Variants in TXN2 observed in about 807,000 individuals in gnomAD.
TXN2 encodes the protein thioredoxin 2, also known as thioredoxin, mitochondrial.
Under a neutral mutation model 14.6 loss-of-function variants are expected in TXN2, and 12 were observed. The ratio of observed to expected loss-of-function variants is 0.82; its 90% CI spans 0.53 to 1.33. TXN2 has a LOEUF of 1.33. TXN2 is among the 40% of genes most tolerant of loss of function. The probability of loss-of-function intolerance (pLI) is 0.00; values close to 1 mark genes in which losing one functional copy is unlikely to be tolerated. For missense variants in TXN2, 173 were observed against 207.7 expected (o/e 0.83, Z 1.03); for synonymous variants, 89 against 81.0 (o/e 1.10, Z -0.53).
intron 3 of TXN2, among the ~76,000 whole-genome samples, chr22:36,469,109 A>G (rs1933220875): frequency 6.6e-6 from 1 of 152,228 alleles, no homozygotes; most frequent in Non-Finnish European, 1.5e-5. Flanking sequence ...GGCGGACGCA[A>G]TCCGGCTCCT....
chr22:36,472,466 A>C (rs926721443), intron 3 of TXN2, among the ~76,000 whole-genome samples: 7 of 152,294 alleles, frequency 4.6e-5, no homozygotes, highest in African/African-American at 1.7e-4. Flanking sequence ...GTGTAGGTTC[A>C]TAAGTTGTGA....
chr22:36,470,780 T>TAAA (rs1251670353), intron 3 of TXN2, among the ~76,000 whole-genome samples: 16 of 122,452 alleles, frequency 1.3e-4, no homozygotes, highest in African/African-American at 5.3e-4. Context: ...CATAAAAATA[T>TAAA]TAAAAAAAAA....
rs779361864 is a variant in TXN2, at chr22:36,467,717, G to A, written c.*87C>T. ...CATGGGCCCCAGGAGCCAGACAGGA[G>A]GGAGGCAGCAGGAAGGGCTGGCATG... On this transcript the variant is annotated 3_prime_UTR_variant, in exon 4 of 4. Transcript: ENST00000216185. 1 of 1,168,130 alleles carries A rather than the reference G, an allele frequency of 8.6e-7. No homozygotes were observed. 72.4% of individuals were successfully genotyped at this position (1,168,130 alleles called of 1,614,324 possible).
intron 2 of TXN2, among the ~76,000 whole-genome samples, chr22:36,477,471 G>A (rs1207046579): frequency 6.6e-6 from 1 of 152,330 alleles, no homozygotes; most frequent in East Asian, 1.9e-4. Flanking sequence ...GCCTCCCAAA[G>A]TGCTGGGATT....
intron 3 of TXN2, among the ~76,000 whole-genome samples, chr22:36,470,027 C>T (rs1933241163): frequency 6.6e-6 from 1 of 152,186 alleles, no homozygotes; most frequent in Admixed American, 6.5e-5. Flanking sequence ...ACAAATTAAA[C>T]TACAAAGTAA....
intron 3 of TXN2, among the ~76,000 whole-genome samples, chr22:36,471,270 G>A (rs1933268794): frequency 6.6e-6 from 1 of 152,212 alleles, no homozygotes; most frequent in South Asian, 2.1e-4. Context: ...GAAGCCACTT[G>A]GAACCTCCTA....
chr22:36,473,877 C>G (rs1255993029), intron 3 of TXN2, among the ~76,000 whole-genome samples: 1 of 152,248 alleles, frequency 6.6e-6, no homozygotes, highest in Non-Finnish European at 1.5e-5. Flanking sequence ...CCCGCCACCC[C>G]ACGAGACACT....
chr22:36,473,438 A>G (rs1449620875), intron 3 of TXN2, among the ~76,000 whole-genome samples: 2 of 152,278 alleles, frequency 1.3e-5, no homozygotes, highest in Middle Eastern at 3.4e-3. Flanking sequence ...GCGAGACTCC[A>G]TCTCAAAAAA....
chr22:36,470,974 T>C (rs967970882), intron 3 of TXN2, among the ~76,000 whole-genome samples: 3 of 147,802 alleles, frequency 2.0e-5, no homozygotes, highest in African/African-American at 8.0e-5. Context: ...CATACACACA[T>C]ATATACACAC....
chr22:36,477,177 C>A (rs1156901425), intron 2 of TXN2, among the ~76,000 whole-genome samples: 1 of 152,190 alleles, frequency 6.6e-6, no homozygotes, highest in Non-Finnish European at 1.5e-5. Context: ...AGGCTTCTCA[C>A]CAACCAGCTG....
chr22:36,480,685 T>C lies in TXN2; in HGVS notation c.153A>G (p.Thr51=). The stretch of plus-strand genomic sequence containing the variant: ...TCAAGGAGATCCTCGTGGTGTATAT[T>C]GTCCGGGCTGGGTTGGGTGTTACAG... ...GLTVTPNPAR[T]IYTTRISLTT... Residue 51 remains threonine (T), a synonymous_variant, in exon 2 of 4, where the codon ACA becomes ACG. Coordinates refer to ENST00000216185, the MANE Select transcript of TXN2 (RefSeq NM_012473.4). 6.2e-7 allele frequency: 1 copy of C among 1,614,178 alleles called. No homozygotes were observed.
At chr22:36,476,639 C>T (rs879084825) in intron 3 of TXN2, 94 bp downstream of exon 3, 28 of 1,539,122 alleles carry the variant, frequency 1.8e-5, no homozygotes, top group Non-Finnish European at 2.5e-5. Flanking sequence ...TTACTGGCTA[C>T]CTGTGCTCCC....
In TXN2 at chr22:36,467,579, G is replaced by A. The variant is rs1933186085; in HGVS notation, c.*225C>T. On this transcript the variant is annotated 3_prime_UTR_variant, in exon 4 of 4. Transcript: ENST00000216185. ...GGCCCTAGAAGGAGGGATGAAAGGC[G>A]TATGGGAGGGAAGACAGCGGTCCCC... 2.6e-5 allele frequency: 14 copies of A among 531,272 alleles called. No homozygotes were observed. The highest frequency in any genetic ancestry group is 6.2e-5 in the Admixed American group (2 of 32,126). 32.9% of individuals were successfully genotyped at this position (531,272 alleles called of 1,614,324 possible). A position where few individuals can be genotyped will look rare whatever the true frequency, so the allele number is the denominator to read the frequency against.
intron 2 of TXN2, among the ~76,000 whole-genome samples, chr22:36,479,876 C>A (rs910960777): frequency 6.6e-6 from 1 of 150,428 alleles, no homozygotes; most frequent in African/African-American, 2.5e-5. Context: ...GTAGTGACAC[C>A]GATAACTTTT....
chr22:36,476,955 C>T lies in TXN2; in HGVS notation c.264-99G>A, dbSNP rs558712373. The T allele has an allele frequency of 2.6e-5, 40 of 1,553,586 alleles. No homozygotes were observed. The African/African-American group carries it at 5.1e-4, about 20-fold the overall frequency. On this transcript the variant is annotated intron_variant, in intron 2 of 3. Coordinates refer to ENST00000216185, the MANE Select transcript of TXN2 (RefSeq NM_012473.4). ...GCATCTTTCCAAGGAATCTTTTGCC[C>T]TTATTATCTCTGTTTACCATGTTTA...
intron 3 of TXN2, among the ~76,000 whole-genome samples, chr22:36,470,407 C>T (rs1031864886): frequency 4.6e-5 from 7 of 152,234 alleles, no homozygotes; most frequent in Non-Finnish European, 8.8e-5. Flanking sequence ...AGGGCCTTCC[C>T]AGGCATTCTT....
chr22:36,467,918 C>T lies in TXN2; in HGVS notation c.388-1G>A, dbSNP rs374405884. On this transcript the variant is annotated splice_acceptor_variant, in intron 3 of 3. Coordinates refer to ENST00000216185, the MANE Select transcript of TXN2 (RefSeq NM_012473.4). LOFTEE classifies it high-confidence loss of function. ...CCAGCACAGTGGGCACCGCTGACAC[C>T]TGGGTGGAGAGGACAAGGGGGTCCA... The T allele has an allele frequency of 4.3e-6, 7 of 1,613,776 alleles. No homozygotes were observed. In the African/African-American group the frequency reaches 9.3e-5, roughly 22 times the overall value.
At position 36,467,909 on chromosome 22, in the gene TXN2, C is replaced by A. The variant is rs750470250; in HGVS notation, c.396G>T (p.Ala132=). The change falls in exon 4 of 4, where the codon GCG becomes GCT. Residue 132 remains alanine, a synonymous_variant. Coordinates refer to ENST00000216185, the MANE Select transcript of TXN2 (RefSeq NM_012473.4). ...TCTTCATGGCCAGCACAGTGGGCAC[C>A]GCTGACACCTGGGTGGAGAGGACAA... ...TDLAIEYEVS[A]VPTVLAMKNG... is the part of the protein sequence containing the mutation. 9.9e-6 allele frequency: 16 copies of A among 1,614,124 alleles called. No individual in the cohort carries two copies. The highest frequency in any genetic ancestry group is 1.3e-5 in the Non-Finnish European group (15 of 1,179,962).
chr22:36,469,065 A>C (rs991763282), intron 3 of TXN2, among the ~76,000 whole-genome samples: 81 of 138,442 alleles, frequency 5.9e-4, no homozygotes, highest in Middle Eastern at 3.5e-3. Context: ...TAAATAAATA[A>C]ATAAATACAT....
Sources: gnomAD v4.1 joint callset for allele counts (sites outside exome capture counted in the v4.1 genomes callset) on GRCh38, gnomAD v4.1.1 for gene constraint, MANE v1.5 for transcripts, NCBI Gene and HGNC (gene_info 2026-07-23, HGNC 2026-07-21) for gene names.